Variants in CEP112 observed in about 807,000 individuals in gnomAD.
CEP112 encodes centrosomal protein of 112 kDa.
In CEP112, 127 loss-of-function variants were observed where a neutral mutation model predicts 153.0. The observed-to-expected ratio is 0.83, with a 90% CI of 0.72 to 0.96. The LOEUF is 0.96. CEP112 is among the 40% of genes least tolerant of loss of function. CEP112 has a pLI of 0.00. For missense variants in CEP112, 1,089 were observed against 1,101.2 expected, an observed-to-expected ratio of 0.99 and a Z score of 0.16; for synonymous variants, 358 against 374.4, an observed-to-expected ratio of 0.96 and a Z score of 0.51.
At chr17:65,903,600 C>T (rs920622234) in intron 19 of CEP112, among the ~76,000 whole-genome samples, 19 of 152,286 alleles carry the variant, frequency 1.2e-4, no homozygotes, top group African/African-American at 4.3e-4. Flanking sequence ...GGACTCCTCC[C>T]TAATTCATTT....
At chr17:65,881,031 G>T (rs558937190) in intron 20 of CEP112, among the ~76,000 whole-genome samples, 4 of 152,036 alleles carry the variant, frequency 2.6e-5, no homozygotes, top group African/African-American at 9.7e-5. Flanking sequence ...CCTGGCTGAC[G>T]CAGTGAAACC....
chr17:66,163,785 T>A lies in CEP112; in HGVS notation c.470+11259A>T, dbSNP rs201421245. Among the ~76,000 whole-genome samples, 5 of 152,316 alleles carry A rather than the reference T, an allele frequency of 3.3e-5. No homozygotes were observed. In the East Asian group the frequency reaches 7.7e-4, roughly 23 times the overall value. The stretch of plus-strand genomic sequence containing the variant: ...TAGAACACTCAATATTTAAATTTCA[T>A]TAAAATTAAATGTTAAAATATAAGC... On this transcript the variant is annotated intron_variant, in intron 4 of 26. Transcript: ENST00000535342.
At chr17:66,155,920 C>T (rs998692622) in intron 4 of CEP112, among the ~76,000 whole-genome samples, 1 of 152,208 alleles carries the variant, frequency 6.6e-6, no homozygotes, top group Non-Finnish European at 1.5e-5. Context: ...CTCCCTGGGA[C>T]AGAGCACCTG....
intron 24 of CEP112, among the ~76,000 whole-genome samples, chr17:65,644,119 T>C: frequency 6.6e-6 from 1 of 152,160 alleles, no homozygotes; most frequent in Non-Finnish European, 1.5e-5. Flanking sequence ...AAGGGGCAGT[T>C]CCCAATCTTG....
intron 12 of CEP112, among the ~76,000 whole-genome samples, chr17:66,031,781 A>G (rs2065498586): frequency 6.6e-6 from 1 of 151,996 alleles, no homozygotes; most frequent in Non-Finnish European, 1.5e-5. Context: ...ATTAGTAGGA[A>G]AGCACTTGAG....
intron 17 of CEP112, among the ~76,000 whole-genome samples, chr17:65,991,802 C>G (rs9915331): frequency 0.069 from 10,433 of 151,880 alleles, 372 homozygotes; most frequent in African/African-American, 0.078. Context: ...TTTCACCAAC[C>G]TTACAAACAA....
chr17:65,825,224 A>G (rs1322344886), intron 21 of CEP112, among the ~76,000 whole-genome samples: 1 of 152,268 alleles, frequency 6.6e-6, no homozygotes, highest in Non-Finnish European at 1.5e-5. Context: ...GAAATAAGTC[A>G]GTCATAAAAG....
chr17:65,641,089 T>G (rs1844386244), intron 24 of CEP112, 24 bp from the exon 25 acceptor site: 6 of 1,235,110 alleles, frequency 4.9e-6, no homozygotes, highest in Non-Finnish European at 7.2e-6. Flanking sequence ...AAATTAAGAG[T>G]TATCTTTTTA....
At position 65,689,209 on chromosome 17, in the gene CEP112, C is replaced by T; in HGVS notation, c.2617G>A (p.Asp873Asn). Reference sequence around the variant, plus strand: ...TGATTAGAACGGTTTTCTAATTCATCTTGTAAAACCTGAAACGGTATAAAA... The same window carrying T: ...TGATTAGAACGGTTTTCTAATTCATTTTGTAAAACCTGAAACGGTATAAAA... ...DNDQAIKVLQ[D>N]ELENRSNQVR... The change falls in exon 24 of 27, where the codon GAT becomes AAT. Residue 873 changes from aspartate (D) to asparagine (N), a missense_variant. Coordinates refer to ENST00000535342, the MANE Select transcript of CEP112 (RefSeq NM_001199165.4). The T allele has an allele frequency of 1.2e-6, 2 of 1,607,918 alleles. No homozygotes were observed. The highest frequency in any genetic ancestry group is 1.7e-6 in the Non-Finnish European group (2 of 1,174,454).
chr17:65,697,644 G>C (rs944014574), intron 23 of CEP112, among the ~76,000 whole-genome samples: 1 of 152,100 alleles, frequency 6.6e-6, no homozygotes, highest in Non-Finnish European at 1.5e-5. Flanking sequence ...TGACACAGTG[G>C]CAGCGTGACA....
At chr17:65,788,953 T>C (rs1490521348) in intron 21 of CEP112, among the ~76,000 whole-genome samples, 1 of 152,204 alleles carries the variant, frequency 6.6e-6, no homozygotes, top group Non-Finnish European at 1.5e-5. Context: ...TTTTAAATAA[T>C]TGCCCCATTC....
At chr17:65,870,262 T>C (rs1772539199) in intron 20 of CEP112, among the ~76,000 whole-genome samples, 1 of 152,148 alleles carries the variant, frequency 6.6e-6, no homozygotes, top group Non-Finnish European at 1.5e-5. Flanking sequence ...ATAACTGATG[T>C]TGAAATTTCT....
chr17:65,925,030 G>A (rs1046934142), intron 19 of CEP112, among the ~76,000 whole-genome samples: 5 of 152,228 alleles, frequency 3.3e-5, no homozygotes, highest in Admixed American at 6.5e-5. Context: ...TAGCAAGGCT[G>A]GTGATATGGT....
At chr17:66,144,345 C>T (rs1333808465) in intron 4 of CEP112, among the ~76,000 whole-genome samples, 1 of 152,108 alleles carries the variant, frequency 6.6e-6, no homozygotes, top group Non-Finnish European at 1.5e-5. Flanking sequence ...TTATGTCTCG[C>T]TTGGCCTGGC....
At chr17:65,815,838 C>T (rs1377985877) in intron 21 of CEP112, among the ~76,000 whole-genome samples, 1 of 152,096 alleles carries the variant, frequency 6.6e-6, no homozygotes, top group Non-Finnish European at 1.5e-5. Flanking sequence ...GGACTTGGTA[C>T]ACCATGACCT....
chr17:65,802,501 A>G (rs2145834303), intron 21 of CEP112, among the ~76,000 whole-genome samples: 1 of 152,278 alleles, frequency 6.6e-6, no homozygotes, highest in African/African-American at 2.4e-5. Flanking sequence ...CTCTAGCTCA[A>G]CAGGTCTTAA....
intron 18 of CEP112, among the ~76,000 whole-genome samples, chr17:65,946,816 CAT>C (rs1183101303): frequency 1.3e-5 from 2 of 151,934 alleles, no homozygotes; most frequent in African/African-American, 4.8e-5. Context: ...ACTTCAAATC[CAT>C]ACACATGATA....
At position 66,188,286 on chromosome 17, in the gene CEP112, AACACACACACACACACAC is replaced by A. The variant is rs59802008; in HGVS notation, c.-9+3693_-9+3710del. The stretch of plus-strand genomic sequence containing the variant: ...GCCTGTCTCTCACACCACACACACA[AACACACACACACACACAC>A]ACACACACACACACACACACACTTT... On this transcript the variant is annotated intron_variant, in intron 1 of 26. Transcript: ENST00000535342. 7.1e-4 allele frequency among the ~76,000 whole-genome samples: 78 copies of A among 109,500 alleles called. 1 individual carries two copies. Among genetic ancestry groups the A allele is most frequent in the African/African-American group, 2.1e-3 (69 of 32,290 alleles). 71.8% of individuals were successfully genotyped at this position (109,500 alleles called of 152,430 possible). A position where few individuals can be genotyped will look rare whatever the true frequency, so the allele number is the denominator to read the frequency against.
Position 65,637,204 on chromosome 17 carries a change from T to C in CEP112, c.2800-16A>G. On this transcript the variant is annotated splice_polypyrimidine_tract_variant and intron_variant, in intron 25 of 26. Transcript: ENST00000535342. ...GAAAATTAACCTAGAAAAGACACCT[T>C]GTGTGAGAAGAGGTGGACGTGGCTT... is the stretch of plus-strand genomic sequence containing the variant. 1 of 1,602,706 alleles carries C rather than the reference T, an allele frequency of 6.2e-7. No individual in the cohort carries two copies. Among genetic ancestry groups the C allele is most frequent in the Non-Finnish European group, 8.5e-7 (1 of 1,169,598 alleles).
Sources: allele counts gnomAD v4.1 joint callset (sites outside exome capture counted in the v4.1 genomes callset), GRCh38; gene constraint gnomAD v4.1.1; transcripts MANE v1.5; gene names NCBI Gene and HGNC (gene_info 2026-07-23, HGNC 2026-07-21).